BAIAP2: variants seen among roughly 807,000 people sequenced by gnomAD.
The protein encoded by BAIAP2 is BAR/IMD domain containing adaptor protein 2.
BAIAP2 carries 18 observed loss-of-function variants against 63.0 expected under a neutral mutation model. The ratio of observed to expected loss-of-function variants is 0.29; its 90% confidence interval spans 0.20 to 0.42. BAIAP2 has a LOEUF of 0.42. Ranked by LOEUF, BAIAP2 falls within the 10% of genes least tolerant of loss-of-function variation. The pLI is 1.00. For synonymous variants in BAIAP2, 386 were observed against 307.6 expected (o/e 1.25, Z -2.67); for missense variants, 610 against 734.3 (o/e 0.83, Z 1.96).
intron 3 of BAIAP2, among the ~76,000 whole-genome samples, chr17:81,079,488 C>T (rs2054232813): frequency 6.6e-6 from 1 of 152,072 alleles, no homozygotes; most frequent in Non-Finnish European, 1.5e-5. Context: ...CCCGTGACAC[C>T]CATGTGTGCC....
chr17:81,049,015 T>C (rs1235657104), intron 1 of BAIAP2, among the ~76,000 whole-genome samples: 1 of 151,982 alleles, frequency 6.6e-6, no homozygotes, highest in Non-Finnish European at 1.5e-5. Context: ...GGACCCCCCC[T>C]GGGGTGGGAA....
chr17:81,103,789 G>A, intron 8 of BAIAP2, 66 bp downstream of exon 8: 1 of 1,576,980 alleles, frequency 6.3e-7, no homozygotes, highest in Non-Finnish European at 8.6e-7. Context: ...GTCAGGGCGG[G>A]GGGCCGCCAG....
At chr17:81,042,828 C>T (rs2047271392) in intron 1 of BAIAP2, among the ~76,000 whole-genome samples, 1 of 152,158 alleles carries the variant, frequency 6.6e-6, no homozygotes, top group Admixed American at 6.5e-5. Flanking sequence ...GTGGATGCTG[C>T]TAGTGGCGGG....
intron 6 of BAIAP2, among the ~76,000 whole-genome samples, chr17:81,094,120 G>A (rs1050645776): frequency 6.6e-6 from 1 of 152,156 alleles, no homozygotes; most frequent in Non-Finnish European, 1.5e-5. Context: ...GCCAGGGGTC[G>A]GGCACTCTGC....
intron 6 of BAIAP2, among the ~76,000 whole-genome samples, chr17:81,096,863 G>C (rs570852315): frequency 6.6e-6 from 1 of 152,364 alleles, no homozygotes; most frequent in African/African-American, 2.4e-5. Flanking sequence ...GGGAGCAGGA[G>C]CAGGAAGCCC....
intron 12 of BAIAP2, 168 bp downstream of exon 12, chr17:81,107,075 C>CTT (rs1357828617): frequency 1.2e-6 from 1 of 837,996 alleles, no homozygotes; most frequent in East Asian, 3.1e-5. Context: ...CACACCCCTG[C>CTT]TTCGGCCTCA....
chr17:81,035,192 C>CGCCGCTGCTGCCGCTGCT lies in BAIAP2; in HGVS notation c.-49_-48insTGCTGCCGCTGCTGCCGC, dbSNP rs1168982929. On this transcript the variant is annotated 5_prime_UTR_variant, in exon 1 of 14. Coordinates refer to ENST00000428708, the MANE Select transcript of BAIAP2 (RefSeq NM_001144888.2). ...TTCGTCTCCGTCCTGCTGCCGTTAC[C>CGCCGCTGCTGCCGCTGCT]GCCGCTGCTGCCGCCGCTTGCGTCC... 2.6e-5 allele frequency: 35 copies of CGCCGCTGCTGCCGCTGCT among 1,369,944 alleles called. No individual in the cohort carries two copies. The South Asian group carries it at 4.3e-4, about 17-fold the overall frequency. The allele number at this position is 1,369,944 out of a possible 1,614,324, so 84.9% of individuals were successfully genotyped here. A position where few individuals can be genotyped will look rare whatever the true frequency, so the allele number is the denominator to read the frequency against.
chr17:81,081,859 C>T (rs1296190321), intron 3 of BAIAP2, among the ~76,000 whole-genome samples: 1 of 152,214 alleles, frequency 6.6e-6, no homozygotes, highest in Non-Finnish European at 1.5e-5. Context: ...CCCTGCCCCA[C>T]TCCACAGGGC....
At chr17:81,072,071 C>T (rs553379562) in intron 3 of BAIAP2, among the ~76,000 whole-genome samples, 66 of 152,344 alleles carry the variant, frequency 4.3e-4, no homozygotes, top group African/African-American at 1.4e-3. Flanking sequence ...CTCCTTCGAG[C>T]GCCCACGTAG....
At chr17:81,085,311 G>T in intron 4 of BAIAP2, 1 of 526,456 alleles carries the variant, frequency 1.9e-6, no homozygotes, top group South Asian at 2.0e-5. Context: ...GTCTGACCCT[G>T]GTGTCAGTTC....
Position 81,067,532 on chromosome 17 carries a change from C to T in BAIAP2, c.217+9565C>T, listed in dbSNP as rs112981546. Among the ~76,000 whole-genome samples, 336 of 152,250 alleles carry T rather than the reference C, an allele frequency of 2.2e-3. 2 individuals carry two copies. The highest frequency in any genetic ancestry group is 7.4e-3 in the African/African-American group (306 of 41,552). On this transcript the variant is annotated intron_variant, in intron 3 of 13. Coordinates refer to ENST00000428708, the MANE Select transcript of BAIAP2 (RefSeq NM_001144888.2). ...TAGCAGCCGTCCTGATTGGATTGGC[C>T]GTGTTGCAGCCGCGGCAGCCAAGTG...
chr17:81,051,136 C>G (rs2048617775), intron 1 of BAIAP2, among the ~76,000 whole-genome samples: 1 of 152,038 alleles, frequency 6.6e-6, no homozygotes, highest in African/African-American at 2.4e-5. Flanking sequence ...GCTCCTGGTT[C>G]ATTGCTGAGT....
chr17:81,055,807 C>T (rs776313656), intron 2 of BAIAP2, among the ~76,000 whole-genome samples: 6 of 151,858 alleles, frequency 4.0e-5, no homozygotes, highest in African/African-American at 7.3e-5. Flanking sequence ...CCTCGTGATC[C>T]GCCCGCCTCA....
At chr17:81,057,525 G>C in intron 2 of BAIAP2, 1 of 523,426 alleles carries the variant, frequency 1.9e-6, no homozygotes, top group Non-Finnish European at 2.5e-6. Context: ...TCCTTGCCCA[G>C]GGTTGGTTCT....
chr17:81,080,426 C>G (rs549473678), intron 3 of BAIAP2, among the ~76,000 whole-genome samples: 13 of 152,356 alleles, frequency 8.5e-5, no homozygotes, highest in South Asian at 8.3e-4. Flanking sequence ...TGGACCTCCC[C>G]TGTGTGTGCG....
intron 3 of BAIAP2, among the ~76,000 whole-genome samples, chr17:81,075,967 T>C (rs1015419093): frequency 1.3e-4 from 19 of 147,956 alleles, no homozygotes; most frequent in African/African-American, 4.8e-4. Flanking sequence ...TGGTGATGAA[T>C]AAAATGCATA....
Position 81,057,839 on chromosome 17 carries a change from C to A in BAIAP2, c.131-42C>A, listed in dbSNP as rs769915809. 2.5e-6 allele frequency: 4 copies of A among 1,592,710 alleles called. No individual in the cohort carries two copies. The South Asian group carries it at 3.4e-5, about 14-fold the overall frequency. On this transcript the variant is annotated intron_variant, in intron 2 of 13. Coordinates refer to ENST00000428708, the MANE Select transcript of BAIAP2 (RefSeq NM_001144888.2). ...TGTTTTTGCTGGGGGTCTTGTCTGT[C>A]CCTCGTGGAGGAAATAACTGCTCCC...
At chr17:81,109,396 GAAAAAAA>G in intron 13 of BAIAP2, 1 of 807,078 alleles carries the variant, frequency 1.2e-6, no homozygotes, top group Non-Finnish European at 1.4e-6. Context: ...AAAAAAAAAA[GAAAAAAA>G]GAAAAACAGG....
At chr17:81,108,294 TG>T in intron 12 of BAIAP2, 180 bp from the exon 13 acceptor site, 1 of 642,932 alleles carries the variant, frequency 1.6e-6, no homozygotes, top group Non-Finnish European at 2.7e-6. Context: ...ACTTTACCAC[TG>T]GGACCAGGGC....
Sources: allele counts gnomAD v4.1 joint callset (sites outside exome capture counted in the v4.1 genomes callset), GRCh38; gene constraint gnomAD v4.1.1; transcripts MANE v1.5; gene names NCBI Gene and HGNC (gene_info 2026-07-23, HGNC 2026-07-21).